The following SMG1 variants were observed in gnomAD, a reference collection of about 807,000 sequenced individuals.
The protein encoded by SMG1 is serine/threonine-protein kinase SMG1.
SMG1 carries 22 observed loss-of-function variants against 419.9 expected under a neutral mutation model. The ratio of observed to expected loss-of-function variants is 0.05; its 90% confidence interval spans 0.04 to 0.07. The LOEUF (loss-of-function observed/expected upper bound fraction) is 0.07. Ranked by LOEUF, SMG1 falls within the 10% of genes least tolerant of loss-of-function variation. The pLI, the probability that SMG1 is intolerant of heterozygous loss-of-function variation, is 1.00. For missense variants in SMG1, 3,185 were observed against 4,342.0 expected (o/e 0.73, Z 7.49); for synonymous variants, 1,538 against 1,553.5 (o/e 0.99, Z 0.23).
Position 18,864,039 on chromosome 16 carries a change from A to G in SMG1, c.3456T>C (p.Ala1152=). ...GTTTCGGGCTGGCACTGTTACGCCC[A>G]GCATTGGCTAAGGTGAGCACCGATT... ...FDKSVLTLAN[A]GRNSASPKHS... The change falls in exon 24 of 63, where the codon GCT becomes GCC. Residue 1152 remains alanine (A), a synonymous_variant. Transcript: ENST00000446231. The G allele has an allele frequency of 6.5e-7, 1 of 1,550,084 alleles. No individual in the cohort carries two copies. The highest frequency in any genetic ancestry group is 8.7e-7 in the Non-Finnish European group (1 of 1,147,000).
At chr16:18,866,335 G>T in intron 23 of SMG1, 1 of 454,626 alleles carries the variant, frequency 2.2e-6, no homozygotes, top group Non-Finnish European at 4.0e-6. Flanking sequence ...GACTCTGAGG[G>T]GGAAGGAGCT....
intron 1 of SMG1, chr16:18,925,744 C>T (rs527976415): frequency 1.1e-3 from 469 of 409,342 alleles, no homozygotes; most frequent in Middle Eastern, 2.0e-3. Context: ...CAGCCCCGGG[C>T]TGAACAAGCA....
Position 18,815,290 on chromosome 16 carries a change from C to A in SMG1, c.10515-9G>T. 1 of 1,559,436 alleles carries A rather than the reference C, an allele frequency of 6.4e-7. No individual in the cohort carries two copies. Among genetic ancestry groups the A allele is most frequent in the Non-Finnish European group, 8.7e-7 (1 of 1,147,388 alleles). ...CTAAATTATTATAGATACTGAAATA[C>A]AAAATAAAATGGCTTATTTACGAAA... is the stretch of plus-strand genomic sequence containing the variant. On this transcript the variant is annotated splice_polypyrimidine_tract_variant and intron_variant, in intron 59 of 62. Transcript: ENST00000446231.
intron 1 of SMG1, among the ~76,000 whole-genome samples, chr16:18,919,653 TATATAC>T (rs1167951989): frequency 1.6e-3 from 126 of 77,078 alleles, no homozygotes; most frequent in African/African-American, 7.0e-3. Context: ...TGTGTGTGTA[TATATAC>T]ACACACACAC....
intron 3 of SMG1, among the ~76,000 whole-genome samples, chr16:18,894,372 A>T (rs1285309949): frequency 6.6e-6 from 1 of 152,130 alleles, no homozygotes; most frequent in Non-Finnish European, 1.5e-5. Context: ...AGATACCAAA[A>T]ATGTCATCAA....
At chr16:18,898,207 G>GACA (rs1366508891) in intron 1 of SMG1, among the ~76,000 whole-genome samples, 3 of 152,186 alleles carry the variant, frequency 2.0e-5, no homozygotes, top group Non-Finnish European at 2.9e-5. Flanking sequence ...ACAGAATGCA[G>GACA]ACAACAGGTC....
Position 18,819,723 on chromosome 16 carries a change from A to C in SMG1, c.9742-69T>G, listed in dbSNP as rs1016164013. 17 of 1,390,944 alleles carry C rather than the reference A, an allele frequency of 1.2e-5. No individual in the cohort carries two copies. The Admixed American group carries it at 2.1e-4, about 17-fold the overall frequency. The allele number at this position is 1,390,944 out of a possible 1,614,324, so 86.2% of individuals were successfully genotyped here. A position where few individuals can be genotyped will look rare whatever the true frequency, so the allele number is the denominator to read the frequency against. Reference sequence around the variant, plus strand: ...CTACTTCCTATTTGTGGAGTATTTTATATAACACAATAAAGATTCAAAAGA... The same window carrying C: ...CTACTTCCTATTTGTGGAGTATTTTCTATAACACAATAAAGATTCAAAAGA... On this transcript the variant is annotated intron_variant, in intron 55 of 62. Coordinates refer to ENST00000446231, the MANE Select transcript of SMG1 (RefSeq NM_015092.5).
intron 55 of SMG1, among the ~76,000 whole-genome samples, chr16:18,820,800 C>T (rs1034392170): frequency 1.3e-5 from 2 of 152,152 alleles, no homozygotes; most frequent in Admixed American, 6.5e-5. Context: ...TAAAACATCA[C>T]AGAATTATAC....
At chr16:18,839,630 A>C (rs2033796238) in intron 42 of SMG1, 68 bp downstream of exon 42, 1 of 1,585,664 alleles carries the variant, frequency 6.3e-7, no homozygotes, top group Non-Finnish European at 8.6e-7. Context: ...AGGACAAACA[A>C]GATAGGCAAG....
In SMG1 at chr16:18,897,899, GA is replaced by G. The variant is rs1268240019; in HGVS notation, c.93-944del. 7.4e-3 allele frequency among the ~76,000 whole-genome samples: 842 copies of G among 114,422 alleles called. 12 individuals carry two copies. Among genetic ancestry groups the G allele is most frequent in the African/African-American group, 0.022 (684 of 31,282 alleles). 75.1% of individuals were successfully genotyped at this position (114,422 alleles called of 152,430 possible). A position where few individuals can be genotyped will look rare whatever the true frequency, so the allele number is the denominator to read the frequency against. ...TTTCTCCTGAGAGGAACAACTTTGA[GA>G]AAAAAAAAAAAAAGAAAATCACTTC... is the stretch of plus-strand genomic sequence containing the variant. On this transcript the variant is annotated intron_variant, in intron 1 of 62. Transcript: ENST00000446231.
At chr16:18,848,318 CTTTTT>C (rs34583374) in intron 36 of SMG1, among the ~76,000 whole-genome samples, 2 of 142,208 alleles carry the variant, frequency 1.4e-5, no homozygotes, top group African/African-American at 2.6e-5. Context: ...TGGTATAATC[CTTTTT>C]TTTTTTTTTT....
chr16:18,849,239 AAGC>A lies in SMG1; in HGVS notation c.5598_5600del (p.Leu1867del). 6.2e-7 allele frequency: 1 copy of A among 1,611,948 alleles called. No individual in the cohort carries two copies. Among genetic ancestry groups the A allele is most frequent in the Non-Finnish European group, 8.5e-7 (1 of 1,178,530 alleles). On this transcript the variant is annotated inframe_deletion, in exon 36 of 63. Transcript: ENST00000446231. ...TACCTGAAGCCTGGGATTCACTACT[AAGC>A]GATATGGTACCCACTATTGCAGGAT...
At chr16:18,910,619 T>C (rs189801455) in intron 1 of SMG1, among the ~76,000 whole-genome samples, 4 of 152,130 alleles carry the variant, frequency 2.6e-5, no homozygotes, top group African/African-American at 9.6e-5. Flanking sequence ...CCCACCTCCC[T>C]GCCTTGGTCT....
At chr16:18,906,594 C>T (rs1165922988) in intron 1 of SMG1, among the ~76,000 whole-genome samples, 2 of 152,176 alleles carry the variant, frequency 1.3e-5, no homozygotes, top group African/African-American at 4.8e-5. Flanking sequence ...TACTTTCCCA[C>T]TGAACTAAAT....
In SMG1 at chr16:18,827,041, CT is replaced by C. The variant is rs1313033304; in HGVS notation, c.9741+989del. 1.0e-4 allele frequency among the ~76,000 whole-genome samples: 4 copies of C among 39,702 alleles called. 2 individuals carry two copies. The highest frequency in any genetic ancestry group is 2.9e-4 in the Non-Finnish European group (4 of 13,896). The allele number at this position is 39,702 out of a possible 152,430, so 26.0% of individuals were successfully genotyped here. A position where few individuals can be genotyped will look rare whatever the true frequency, so the allele number is the denominator to read the frequency against. Reference sequence around the variant, plus strand: ...GATTTTCCAGGTACGTCCGTCACCCCTTTCTTTGACTCGGAGATATTTAGTA... The same window carrying C: ...GATTTTCCAGGTACGTCCGTCACCCCTTCTTTGACTCGGAGATATTTAGTA... On this transcript the variant is annotated intron_variant, in intron 55 of 62. Transcript: ENST00000446231.
intron 56 of SMG1, among the ~76,000 whole-genome samples, 184 bp from the exon 57 acceptor site, chr16:18,817,654 C>T (rs1028676764): frequency 6.6e-6 from 1 of 152,158 alleles, no homozygotes; most frequent in African/African-American, 2.4e-5. Flanking sequence ...TACATTTATA[C>T]TGACACTGTT....
intron 1 of SMG1, among the ~76,000 whole-genome samples, chr16:18,909,318 T>C (rs890682830): frequency 6.6e-6 from 1 of 151,312 alleles, no homozygotes; most frequent in Non-Finnish European, 1.5e-5. Flanking sequence ...CTCCAGCCTG[T>C]GCAACAAGAG....
At chr16:18,871,749 A>T (rs921344544) in intron 15 of SMG1, among the ~76,000 whole-genome samples, 1 of 152,004 alleles carries the variant, frequency 6.6e-6, no homozygotes, top group African/African-American at 2.4e-5. Context: ...CAGCCTGGCC[A>T]ACAACATGGT....
In SMG1 at chr16:18,842,361, T is replaced by C; in HGVS notation, c.6313A>G (p.Thr2105Ala). 6.2e-7 allele frequency: 1 copy of C among 1,613,994 alleles called. No individual in the cohort carries two copies. ...ACTTCCCCAGGAAGAGCAATTTCAG[T>C]GTTAGTCATGGCAGCCAACCATGGA... ...ISPWLAAMTN[T>A]EIALPGEVSA... The change falls in exon 40 of 63, where the codon ACT (threonine) becomes GCT (alanine). Residue 2105 changes from threonine (T) to alanine (A), a missense_variant. Transcript: ENST00000446231.
Sources: gnomAD v4.1 joint callset for allele counts (sites outside exome capture counted in the v4.1 genomes callset) on GRCh38, gnomAD v4.1.1 for gene constraint, MANE v1.5 for transcripts, NCBI Gene and HGNC (gene_info 2026-07-23, HGNC 2026-07-21) for gene names.